Variants in SLC9A9 observed in about 807,000 individuals in gnomAD.
SLC9A9 encodes the protein sodium/hydrogen exchanger 9.
SLC9A9 carries 62 observed loss-of-function variants against 77.8 expected under a neutral mutation model. The ratio of observed to expected loss-of-function variants is 0.80; its 90% CI spans 0.65 to 0.98. The LOEUF (loss-of-function observed/expected upper bound fraction) is 0.98, where lower values mean the gene tolerates loss of function less well. Among genes scored for constraint, SLC9A9 ranks in the 50% least tolerant of loss-of-function variants. The pLI, the probability that SLC9A9 is intolerant of heterozygous loss-of-function variation, is 0.00. For synonymous variants in SLC9A9, 320 were observed against 283.5 expected (o/e 1.13, Z -1.29); for missense variants, 775 against 774.9 (o/e 1.00, Z 0.00).
rs547801911 is a variant in SLC9A9, at chr3:143,455,503, A to G, written c.1469+11534T>C. ...GTATGAAATCTCTGGATCAATTTAC[A>G]GAAAATTGATGTCTTAACTATATTT... is the stretch of plus-strand genomic sequence containing the variant. On this transcript the variant is annotated intron_variant, in intron 12 of 15. Transcript: ENST00000316549. Among the ~76,000 whole-genome samples, 95 of 152,340 alleles carry G rather than the reference A, an allele frequency of 6.2e-4. 2 individuals carry two copies. In the South Asian group the frequency reaches 0.019, roughly 31 times the overall value.
Position 143,266,621 on chromosome 3 carries a change from C to A in SLC9A9, c.*81G>T. On this transcript the variant is annotated 3_prime_UTR_variant, in exon 16 of 16. Transcript: ENST00000316549. The stretch of plus-strand genomic sequence containing the variant: ...CTTAATATGTTTTCCAGCCTCTCCC[C>A]TGTACTGCCTCATCAGCTTGGCTTG... The A allele has an allele frequency of 7.1e-7, 1 of 1,412,790 alleles. No individual in the cohort carries two copies. The highest frequency in any genetic ancestry group is 1.2e-5 in the South Asian group (1 of 84,346). 87.5% of individuals were successfully genotyped at this position (1,412,790 alleles called of 1,614,324 possible).
At chr3:143,307,539 C>G (rs890381205) in intron 14 of SLC9A9, among the ~76,000 whole-genome samples, 1 of 152,208 alleles carries the variant, frequency 6.6e-6, no homozygotes, top group Non-Finnish European at 1.5e-5. Flanking sequence ...ATGCCTTGAG[C>G]CTGCAGGCTG....
chr3:143,587,747 C>A (rs1296099336), intron 6 of SLC9A9, among the ~76,000 whole-genome samples: 1 of 152,194 alleles, frequency 6.6e-6, no homozygotes, highest in Non-Finnish European at 1.5e-5. Flanking sequence ...GGGTGGGAGA[C>A]AACATGATCC....
At chr3:143,312,098 C>T (rs2031038596) in intron 14 of SLC9A9, among the ~76,000 whole-genome samples, 1 of 152,164 alleles carries the variant, frequency 6.6e-6, no homozygotes, top group Non-Finnish European at 1.5e-5. Flanking sequence ...TACAGGGATT[C>T]AAAACACTGC....
At chr3:143,500,209 A>C (rs1262237248) in intron 9 of SLC9A9, among the ~76,000 whole-genome samples, 28 of 152,254 alleles carry the variant, frequency 1.8e-4, no homozygotes, top group Admixed American at 1.8e-3. Context: ...CAGTTTTAGA[A>C]AGTTATGTTT....
intron 13 of SLC9A9, among the ~76,000 whole-genome samples, chr3:143,370,330 A>G (rs2033019840): frequency 1.3e-5 from 2 of 152,162 alleles, no homozygotes; most frequent in African/African-American, 2.4e-5. Context: ...TATAGAAGAC[A>G]TATGTTCCCT....
intron 14 of SLC9A9, among the ~76,000 whole-genome samples, chr3:143,353,599 G>A (rs923870596): frequency 2.6e-5 from 4 of 152,050 alleles, no homozygotes; most frequent in African/African-American, 9.7e-5. Context: ...TTTTGTTATA[G>A]CAGCCTGAAC....
intron 4 of SLC9A9, among the ~76,000 whole-genome samples, chr3:143,787,153 C>G (rs1295507069): frequency 6.6e-6 from 1 of 152,098 alleles, no homozygotes; most frequent in South Asian, 2.1e-4. Flanking sequence ...CAGAGTTTCC[C>G]AGAAATGGAA....
chr3:143,396,445 G>C (rs1251407564), intron 12 of SLC9A9, among the ~76,000 whole-genome samples: 2 of 152,156 alleles, frequency 1.3e-5, no homozygotes, highest in African/African-American at 2.4e-5. Flanking sequence ...GCCTGTTGTG[G>C]GTTGGGGGGC....
intron 12 of SLC9A9, among the ~76,000 whole-genome samples, chr3:143,403,534 C>T (rs1346939472): frequency 6.6e-6 from 1 of 151,406 alleles, no homozygotes; most frequent in Non-Finnish European, 1.5e-5. Context: ...TATTGTCAGG[C>T]AGGTATGCTA....
intron 11 of SLC9A9, among the ~76,000 whole-genome samples, chr3:143,492,513 C>T (rs983796999): frequency 5.9e-5 from 9 of 152,136 alleles, no homozygotes; most frequent in African/African-American, 2.2e-4. Context: ...GCTAGGATGG[C>T]ACTGAAGGCA....
At chr3:143,744,102 G>A (rs1576696879) in intron 4 of SLC9A9, among the ~76,000 whole-genome samples, 2 of 152,144 alleles carry the variant, frequency 1.3e-5, no homozygotes, top group East Asian at 3.8e-4. Context: ...CCCAGATACT[G>A]ATAACATAGA....
chr3:143,785,852 T>C (rs1244978297), intron 4 of SLC9A9, among the ~76,000 whole-genome samples: 4 of 31,774 alleles, frequency 1.3e-4, no homozygotes, highest in Non-Finnish European at 1.3e-4. Context: ...TTTCTTTTTT[T>C]TTTTTTTTTT....
intron 14 of SLC9A9, among the ~76,000 whole-genome samples, chr3:143,329,902 T>C (rs146267868): frequency 0.028 from 4,291 of 152,342 alleles, 77 homozygotes; most frequent in South Asian, 0.04. Flanking sequence ...CTACAGGTTC[T>C]GGCACTGCGC....
intron 6 of SLC9A9, among the ~76,000 whole-genome samples, chr3:143,616,130 G>A (rs552341618): frequency 3.3e-5 from 5 of 152,030 alleles, no homozygotes; most frequent in Non-Finnish European, 5.9e-5. Context: ...TGATCCGCCC[G>A]CCTCGGCCTC....
At chr3:143,809,984 T>C (rs945179016) in intron 2 of SLC9A9, among the ~76,000 whole-genome samples, 5 of 152,224 alleles carry the variant, frequency 3.3e-5, no homozygotes, top group African/African-American at 1.2e-4. Flanking sequence ...GTGTGACTAA[T>C]TTGGAGCAAC....
At chr3:143,385,392 G>T (rs1033804480) in intron 12 of SLC9A9, among the ~76,000 whole-genome samples, 1 of 152,104 alleles carries the variant, frequency 6.6e-6, no homozygotes, top group Non-Finnish European at 1.5e-5. Context: ...AACTCCCATT[G>T]CCTTGGAGGG....
chr3:143,590,910 G>A lies in SLC9A9; in HGVS notation c.756-12187C>T, dbSNP rs1265170653. Among the ~76,000 whole-genome samples the A allele has an allele frequency of 2.0e-5, 3 of 152,182 alleles. No homozygotes were observed. The East Asian group carries it at 5.8e-4, about 29-fold the overall frequency. On this transcript the variant is annotated intron_variant, in intron 6 of 15. Coordinates refer to ENST00000316549, the MANE Select transcript of SLC9A9 (RefSeq NM_173653.4). ...GCATAGGGCACTTGCTTAGATTGGA[G>A]CCTGCAGCGTTTCATAAATGCTGTG...
intron 14 of SLC9A9, among the ~76,000 whole-genome samples, chr3:143,327,637 T>A (rs1470122444): frequency 6.6e-6 from 1 of 152,180 alleles, no homozygotes; most frequent in Non-Finnish European, 1.5e-5. Flanking sequence ...TCCTCAAACA[T>A]CTTCCATCTA....
Sources: allele counts gnomAD v4.1 joint callset (sites outside exome capture counted in the v4.1 genomes callset), GRCh38; gene constraint gnomAD v4.1.1; transcripts MANE v1.5; gene names NCBI Gene and HGNC (gene_info 2026-07-23, HGNC 2026-07-21).